The following POMT1 variants were observed in gnomAD, a reference collection of about 807,000 sequenced individuals.
POMT1 encodes protein O-mannosyl-transferase 1.
A neutral mutation model predicts 101.6 loss-of-function variants in POMT1; 85 were observed. That is an observed-to-expected ratio of 0.84 (90% CI 0.70 to 1.00). The LOEUF (loss-of-function observed/expected upper bound fraction) is 1.00, where lower values mean the gene tolerates loss of function less well. Ranked by LOEUF, POMT1 falls within the 50% of genes least tolerant of loss-of-function variation. POMT1 has a pLI of 0.00. For missense variants in POMT1, 857 were observed against 930.4 expected (o/e 0.92, Z 1.03); for synonymous variants, 371 against 383.0 (o/e 0.97, Z 0.37).
chr9:131,514,693 C>T lies in POMT1; in HGVS notation c.1176-733C>T, dbSNP rs533070769. Among the ~76,000 whole-genome samples the T allele has an allele frequency of 2.0e-5, 3 of 152,328 alleles. No individual in the cohort carries two copies. The East Asian group carries it at 5.8e-4, about 29-fold the overall frequency. On this transcript the variant is annotated intron_variant, in intron 12 of 19. Transcript: ENST00000402686. The stretch of plus-strand genomic sequence containing the variant: ...GTTCCTGACCGGGCGTGCTGGCTCA[C>T]ACCTGTAATCCCAGCACTTTGGGAG...
intron 13 of POMT1, 180 bp from the exon 14 acceptor site, chr9:131,518,265 G>A (rs958237478): frequency 3.9e-5 from 29 of 741,374 alleles, no homozygotes; most frequent in African/African-American, 6.9e-5. Context: ...GGAGCAGCCC[G>A]GGGTGCTGTG....
At chr9:131,520,533 C>T (rs763492350) in intron 17 of POMT1, among the ~76,000 whole-genome samples, 49 of 152,308 alleles carry the variant, frequency 3.2e-4, no homozygotes, top group Admixed American at 7.2e-4. Flanking sequence ...ATGTGCGTGC[C>T]GTCTCTCCAC....
rs1950143796 is a variant in POMT1 at position 131,522,460 on chromosome 9, G to A, written c.2003+236G>A. ...ATGAAAGCGGAGTGGGTGGGGAGAC[G>A]GGGAGGGGATGAAGAGATGTGGGTG... On this transcript the variant is annotated intron_variant, in intron 19 of 19. Transcript: ENST00000402686. This position sits in a 1 kb window ranked among gnomAD's most constrained non-coding sequence, Gnocchi z 5.5. 1.8e-5 allele frequency: 15 copies of A among 817,910 alleles called. No homozygotes were observed. Among genetic ancestry groups the A allele is most frequent in the South Asian group, 5.4e-5 (3 of 55,632 alleles). 50.7% of individuals were successfully genotyped at this position (817,910 alleles called of 1,614,324 possible). A position where few individuals can be genotyped will look rare whatever the true frequency, so the allele number is the denominator to read the frequency against.
intron 17 of POMT1, among the ~76,000 whole-genome samples, 154 bp downstream of exon 17, chr9:131,520,347 T>C (rs771377428): frequency 6.6e-6 from 1 of 152,252 alleles, no homozygotes; most frequent in Non-Finnish European, 1.5e-5. Flanking sequence ...TCTAAACGCT[T>C]TGGCAACCTG....
At chr9:131,507,189 G>A (rs1379780271) in intron 4 of POMT1, among the ~76,000 whole-genome samples, 179 bp from the exon 5 acceptor site, 1 of 152,194 alleles carries the variant, frequency 6.6e-6, no homozygotes. Context: ...ACTATGCAAA[G>A]CTAATTTCAA....
At chr9:131,510,973 G>GAAA in intron 9 of POMT1, 3 of 281,258 alleles carry the variant, frequency 1.1e-5, no homozygotes, top group South Asian at 8.3e-5. Flanking sequence ...GCCTGCCGAC[G>GAAA]GCCAGTGCTG....
intron 17 of POMT1, among the ~76,000 whole-genome samples, chr9:131,520,827 C>CTG (rs138260753): frequency 0.03 from 4,537 of 151,448 alleles, 201 homozygotes; most frequent in African/African-American, 0.098. Flanking sequence ...AGCATCAGTG[C>CTG]TGTGTGTGTG....
At chr9:131,507,293 T>G in intron 4 of POMT1, 75 bp from the exon 5 acceptor site, 1 of 1,603,180 alleles carries the variant, frequency 6.2e-7, no homozygotes, top group Middle Eastern at 1.7e-4. Context: ...CGGCGCTATG[T>G]GAAAGCATAG....
intron 14 of POMT1, 41 bp downstream of exon 14, chr9:131,518,578 GGCTC>G: frequency 6.4e-7 from 1 of 1,559,564 alleles, no homozygotes. Context: ...CTGAGCTGTG[GGCTC>G]CAGTCTGTTT....
chr9:131,507,220 G>A, intron 4 of POMT1, 148 bp from the exon 5 acceptor site: 1 of 1,118,778 alleles, frequency 8.9e-7, no homozygotes, highest in Non-Finnish European at 1.3e-6. Context: ...CATAGTTTAT[G>A]CACTCTGCTG....
rs537290205 is a variant in POMT1, at chr9:131,519,046, G to A, written c.1486+89G>A. ...ACACCCCAGAGTTCTCATTTTGGTG[G>A]GAAGGGAACTGAGCACATTCTCCAT... On this transcript the variant is annotated intron_variant, in intron 15 of 19. Transcript: ENST00000402686. The surrounding 1 kb of genome is among the most constrained non-coding windows in gnomAD (Gnocchi z 4.3). 17 of 1,585,336 alleles carry A rather than the reference G, an allele frequency of 1.1e-5. No homozygotes were observed. The highest frequency in any genetic ancestry group is 4.0e-5 in the African/African-American group (3 of 74,474).
intron 4 of POMT1, 141 bp from the exon 5 acceptor site, chr9:131,507,227 G>T: frequency 8.0e-7 from 1 of 1,247,142 alleles, no homozygotes; most frequent in Non-Finnish European, 1.2e-6. Flanking sequence ...TATGCACTCT[G>T]CTGCTGATGG....
At chr9:131,510,453 AAG>A in intron 9 of POMT1, 38 bp downstream of exon 9, 2 of 1,595,380 alleles carry the variant, frequency 1.3e-6, no homozygotes, top group Non-Finnish European at 1.7e-6. Flanking sequence ...CTGGAGAAGG[AAG>A]ATGATAGTGG....
chr9:131,515,807 C>CGGAGCACTTCCTCACAG (rs1451951299), intron 13 of POMT1, among the ~76,000 whole-genome samples: 1 of 120,452 alleles, frequency 8.3e-6, no homozygotes, highest in African/African-American at 3.0e-5. Context: ...CTTCCTCACA[C>CGGAGCACTTCCTCACAG]GGAGCACTTC....
Position 131,515,431 on chromosome 9 carries a change from A to G in POMT1, c.1181A>G (p.Asp394Gly), listed in dbSNP as rs2131748341. Residue 394 changes from aspartate to glycine, a missense_variant, in exon 13 of 20, where the codon GAT becomes GGT. Transcript: ENST00000402686. ...GMTTRSLNTHDVAAPLSPHSQ... is the reference protein window; with the variant it reads ...GMTTRSLNTHGVAAPLSPHSQ... ...TCTCGGTCTTGGTTTTCCAGGCATG[A>G]TGTTGCAGCCCCCCTGAGCCCCCAT... is the stretch of plus-strand genomic sequence containing the variant. 6.2e-6 allele frequency: 10 copies of G among 1,614,206 alleles called. No homozygotes were observed. The highest frequency in any genetic ancestry group is 8.5e-6 in the Non-Finnish European group (10 of 1,180,028).
At chr9:131,513,877 C>T (rs902524458) in intron 12 of POMT1, among the ~76,000 whole-genome samples, 1 of 152,232 alleles carries the variant, frequency 6.6e-6, no homozygotes, top group Admixed American at 6.5e-5. Context: ...TGCTCTCAGT[C>T]TCTGAGGGCC....
In POMT1 at chr9:131,519,483, GC is replaced by G. The variant is rs1366902481; in HGVS notation, c.1582del (p.Gln528SerfsTer7). 6.5e-7 allele frequency: 1 copy of G among 1,550,136 alleles called. No homozygotes were observed. Among genetic ancestry groups the G allele is most frequent in the Non-Finnish European group, 8.7e-7 (1 of 1,146,972 alleles). On this transcript the variant is annotated frameshift_variant and splice_region_variant, in exon 16 of 20. Transcript: ENST00000402686. LOFTEE classifies it high-confidence loss of function. The surrounding 1 kb of genome is among the most constrained non-coding windows in gnomAD (Gnocchi z 4.3). The stretch of plus-strand genomic sequence containing the variant: ...GCTTCATGGCGAGATTCTCGGAGCT[GC>G]AGGTGAGGAGCGGCCAGGGGAAGCT... ...LSFMARFSEL[Q>X]WRMLALRSDD...
intron 12 of POMT1, among the ~76,000 whole-genome samples, chr9:131,514,002 G>A (rs531433074): frequency 1.3e-5 from 2 of 152,292 alleles, no homozygotes; most frequent in East Asian, 3.9e-4. Flanking sequence ...CCACAGGGGC[G>A]GTCTCTGGCC....
chr9:131,514,504 G>A (rs1029504797), intron 12 of POMT1, among the ~76,000 whole-genome samples: 1 of 152,248 alleles, frequency 6.6e-6, no homozygotes, highest in African/African-American at 2.4e-5. Flanking sequence ...TTTATTAGTG[G>A]CACTCCTACA....
Sources: gnomAD v4.1 joint callset for allele counts (sites outside exome capture counted in the v4.1 genomes callset) on GRCh38, gnomAD v4.1.1 for gene constraint, Gnocchi (gnomAD v3.1) non-coding constraint, MANE v1.5 for transcripts, NCBI Gene and HGNC (gene_info 2026-07-23, HGNC 2026-07-21) for gene names.